The following REEP3 variants were observed in gnomAD, a reference collection of about 807,000 sequenced individuals.
REEP3 encodes the protein receptor expression-enhancing protein 3.
Under a neutral mutation model 41.3 loss-of-function variants are expected in REEP3, and 20 were observed. The ratio of observed to expected loss-of-function variants is 0.48; its 90% CI spans 0.34 to 0.70. REEP3 has a LOEUF of 0.70. Ranked by LOEUF, REEP3 falls within the 30% of genes least tolerant of loss-of-function variation. The pLI is 0.01. For missense variants in REEP3, 271 were observed against 308.8 expected (o/e 0.88, Z 0.92); for synonymous variants, 104 against 101.8 (o/e 1.02, Z -0.13).
chr10:63,574,584 A>G (rs1955881086), intron 2 of REEP3, among the ~76,000 whole-genome samples: 1 of 152,172 alleles, frequency 6.6e-6, no homozygotes, highest in African/African-American at 2.4e-5. Flanking sequence ...CATTTTCATT[A>G]TGTAAACACT....
intron 1 of REEP3, among the ~76,000 whole-genome samples, chr10:63,559,588 G>A (rs928513639): frequency 6.6e-6 from 1 of 152,176 alleles, no homozygotes; most frequent in Admixed American, 6.5e-5. Context: ...GAATTCTGGA[G>A]TAAGAGTGCC....
chr10:63,603,439 T>C (rs1005919206), intron 5 of REEP3, among the ~76,000 whole-genome samples: 1 of 152,148 alleles, frequency 6.6e-6, no homozygotes, highest in African/African-American at 2.4e-5. Context: ...CATATATCTA[T>C]TTTTCTGGCT....
intron 2 of REEP3, among the ~76,000 whole-genome samples, chr10:63,574,068 C>T (rs542236720): frequency 2.2e-4 from 34 of 152,230 alleles, no homozygotes; most frequent in African/African-American, 8.2e-4. Context: ...GGCTCCCATC[C>T]CTATGTCTAA....
rs796958345 is a variant in REEP3 at position 63,571,038 on chromosome 10, C to A, written c.105+4628C>A. 1.1e-4 allele frequency among the ~76,000 whole-genome samples: 17 copies of A among 152,262 alleles called. 1 individual carries two copies. Among genetic ancestry groups the A allele is most frequent in the African/African-American group, 4.1e-4 (17 of 41,554 alleles). ...GCTGAGGTGGGAGGATCACCTGAGC[C>A]TGGGAGGTCGAGGCTGCAGTAAGTC... On this transcript the variant is annotated intron_variant, in intron 2 of 7. Transcript: ENST00000373758.
intron 5 of REEP3, among the ~76,000 whole-genome samples, chr10:63,603,852 A>G (rs1427146417): frequency 1.3e-5 from 2 of 152,202 alleles, no homozygotes; most frequent in Non-Finnish European, 2.9e-5. Flanking sequence ...AAGTACATGA[A>G]ATTAGTTTCA....
intron 2 of REEP3, among the ~76,000 whole-genome samples, chr10:63,587,620 C>T (rs1347775113): frequency 6.6e-6 from 1 of 152,192 alleles, no homozygotes; most frequent in Non-Finnish European, 1.5e-5. Flanking sequence ...GTTCTCCCCA[C>T]ACAACTATTA....
At chr10:63,594,291 GGCA>G (rs1956093216) in intron 2 of REEP3, among the ~76,000 whole-genome samples, 1 of 151,920 alleles carries the variant, frequency 6.6e-6, no homozygotes, top group Non-Finnish European at 1.5e-5. Flanking sequence ...GGGCAGCTGA[GGCA>G]AGAGGATCAC....
intron 2 of REEP3, among the ~76,000 whole-genome samples, chr10:63,570,891 G>A (rs1205995390): frequency 1.3e-5 from 2 of 152,236 alleles, no homozygotes; most frequent in Admixed American, 6.5e-5. Flanking sequence ...GAAGCAGGCT[G>A]ATCTCTTGAG....
intron 2 of REEP3, among the ~76,000 whole-genome samples, chr10:63,594,103 C>T (rs1956090261): frequency 6.6e-6 from 1 of 151,600 alleles, no homozygotes; most frequent in Non-Finnish European, 1.5e-5. Context: ...TAAGGCCAGG[C>T]ATGGTGGCTC....
intron 1 of REEP3, among the ~76,000 whole-genome samples, chr10:63,528,021 A>G (rs1287623538): frequency 6.7e-6 from 1 of 149,680 alleles, no homozygotes; most frequent in Non-Finnish European, 1.5e-5. Flanking sequence ...ACATTTCTCC[A>G]TGTTCCTTGA....
intron 1 of REEP3, among the ~76,000 whole-genome samples, chr10:63,552,419 A>G (rs1181151031): frequency 6.6e-6 from 1 of 152,204 alleles, no homozygotes; most frequent in African/African-American, 2.4e-5. Flanking sequence ...TCAAAAAAAA[A>G]AGAAAGAAAT....
At chr10:63,597,825 A>T (rs530736890) in intron 3 of REEP3, among the ~76,000 whole-genome samples, 199 bp from the exon 4 acceptor site, 36 of 152,150 alleles carry the variant, frequency 2.4e-4, no homozygotes, top group African/African-American at 8.2e-4. Flanking sequence ...AGGCAGGAGA[A>T]TCACTTGAAC....
intron 1 of REEP3, among the ~76,000 whole-genome samples, chr10:63,538,748 A>G (rs1955499273): frequency 1.3e-5 from 2 of 152,150 alleles, no homozygotes; most frequent in South Asian, 4.1e-4. Context: ...AAATAAATAA[A>G]TAAATAAAGA....
intron 6 of REEP3, among the ~76,000 whole-genome samples, chr10:63,618,862 C>G (rs1224791197): frequency 6.6e-6 from 1 of 152,354 alleles, no homozygotes. Flanking sequence ...TCCTTGAGGC[C>G]AAGCCTCAAG....
intron 2 of REEP3, among the ~76,000 whole-genome samples, chr10:63,589,998 T>C (rs1405274487): frequency 6.6e-6 from 1 of 152,028 alleles, no homozygotes; most frequent in Non-Finnish European, 1.5e-5. Context: ...TTTCACCATG[T>C]TGGCCAGGCT....
intron 6 of REEP3, among the ~76,000 whole-genome samples, chr10:63,619,417 T>C (rs1956335631): frequency 6.6e-6 from 1 of 152,104 alleles, no homozygotes; most frequent in African/African-American, 2.4e-5. Flanking sequence ...TTTTTAAAAA[T>C]GCATAGTAAA....
chr10:63,595,947 A>G (rs1002482950), intron 3 of REEP3, among the ~76,000 whole-genome samples: 1 of 152,216 alleles, frequency 6.6e-6, no homozygotes, highest in South Asian at 2.1e-4. Flanking sequence ...AGCTGCTCAC[A>G]TAGGTATCAG....
At chr10:63,566,265 T>A in intron 1 of REEP3, 73 bp from the exon 2 acceptor site, 1 of 772,348 alleles carries the variant, frequency 1.3e-6, no homozygotes, top group South Asian at 1.7e-5. Flanking sequence ...TATTTGTTTA[T>A]TAGGTTAAAT....
chr10:63,623,452 G>GC lies in REEP3; in HGVS notation c.*2585dup, dbSNP rs1956370085. The GC allele has an allele frequency of 6.6e-6, 1 of 152,102 alleles. No individual in the cohort carries two copies. Among genetic ancestry groups the GC allele is most frequent in the Non-Finnish European group, 1.5e-5 (1 of 68,018 alleles). 9.4% of individuals were successfully genotyped at this position (152,102 alleles called of 1,614,324 possible). ...ACCACAGTGCCTTGCTTTTTCCTCT[G>GC]CCAGCACATGGAGCACGGGATTAGA... On this transcript the variant is annotated 3_prime_UTR_variant, in exon 8 of 8. Coordinates refer to ENST00000373758, the MANE Select transcript of REEP3 (RefSeq NM_001001330.3).
Sources: gnomAD v4.1 joint callset for allele counts (sites outside exome capture counted in the v4.1 genomes callset) on GRCh38, gnomAD v4.1.1 for gene constraint, MANE v1.5 for transcripts, NCBI Gene and HGNC (gene_info 2026-07-23, HGNC 2026-07-21) for gene names.